The following FAF1 variants were observed in gnomAD, a reference collection of about 807,000 sequenced individuals.
FAF1 encodes the protein Fas associated factor 1, also known as FAS-associated factor 1.
FAF1 carries 25 observed loss-of-function variants against 92.5 expected under a neutral mutation model. The ratio of observed to expected loss-of-function variants is 0.27; its 90% CI spans 0.20 to 0.38. The LOEUF (loss-of-function observed/expected upper bound fraction) is 0.38. Among genes scored for constraint, FAF1 ranks in the 10% least tolerant of loss-of-function variants. FAF1 has a pLI of 1.00. For synonymous variants in FAF1, 234 were observed against 273.2 expected (o/e 0.86, Z 1.42); for missense variants, 636 against 793.3 (o/e 0.80, Z 2.38).
chr1:50,770,672 A>G (rs1248305790), intron 4 of FAF1, among the ~76,000 whole-genome samples: 4 of 152,250 alleles, frequency 2.6e-5, no homozygotes, highest in Non-Finnish European at 4.4e-5. Flanking sequence ...AAATGGCCAT[A>G]CTGCCCAGAG....
At position 50,821,874 on chromosome 1, in the gene FAF1, G is replaced by C. The variant is rs113084288; in HGVS notation, c.115-20197C>G. Reference sequence around the variant, plus strand: ...AGAATGAAAACACTATAAAGAAGTAGATTGCAGACAACTTATTTCTCAGAT... The same window carrying C: ...AGAATGAAAACACTATAAAGAAGTACATTGCAGACAACTTATTTCTCAGAT... On this transcript the variant is annotated intron_variant, in intron 2 of 18. Coordinates refer to ENST00000396153, the MANE Select transcript of FAF1 (RefSeq NM_007051.3). Among the ~76,000 whole-genome samples the C allele has an allele frequency of 3.0e-3, 455 of 152,024 alleles. 4 individuals are homozygous for C. The highest frequency in any genetic ancestry group is 0.01 in the African/African-American group (429 of 41,466).
intron 4 of FAF1, among the ~76,000 whole-genome samples, chr1:50,745,113 C>T (rs1001328579): frequency 2.6e-5 from 4 of 151,966 alleles, no homozygotes; most frequent in African/African-American, 9.7e-5. Context: ...CATGGTGAAA[C>T]TCTGTTGAAA....
chr1:50,503,934 A>G (rs1647023433), intron 15 of FAF1, among the ~76,000 whole-genome samples: 1 of 152,250 alleles, frequency 6.6e-6, no homozygotes, highest in Admixed American at 6.5e-5. Context: ...GAAGCCCTTG[A>G]GAGTGATAGT....
chr1:50,538,164 T>C (rs1212386888), intron 14 of FAF1, among the ~76,000 whole-genome samples: 1 of 150,550 alleles, frequency 6.6e-6, no homozygotes, highest in Non-Finnish European at 1.5e-5. Context: ...TACATAAGCA[T>C]AGTTTGCCTG....
chr1:50,863,452 G>A (rs997719931), intron 1 of FAF1, among the ~76,000 whole-genome samples: 6 of 151,604 alleles, frequency 4.0e-5, no homozygotes, highest in Non-Finnish European at 7.4e-5. Context: ...CATACCTCAA[G>A]AAACTAGAGA....
At chr1:50,922,572 C>A (rs1302626793) in intron 1 of FAF1, among the ~76,000 whole-genome samples, 1 of 150,766 alleles carries the variant, frequency 6.6e-6, no homozygotes, top group African/African-American at 2.4e-5. Flanking sequence ...AATCCCAGCA[C>A]TTTTGGGAAG....
chr1:50,837,233 G>C (rs112666914), intron 2 of FAF1, among the ~76,000 whole-genome samples: 156 of 152,162 alleles, frequency 1.0e-3, no homozygotes, highest in African/African-American at 3.5e-3. Context: ...TGGGATTACA[G>C]GCGTGAGCCA....
intron 15 of FAF1, among the ~76,000 whole-genome samples, chr1:50,504,733 T>C (rs1647038849): frequency 6.6e-6 from 1 of 152,230 alleles, no homozygotes; most frequent in Admixed American, 6.5e-5. Context: ...TGAAGCCACC[T>C]CACCTATAGA....
At chr1:50,811,479 A>T (rs1265075423) in intron 2 of FAF1, among the ~76,000 whole-genome samples, 1 of 152,190 alleles carries the variant, frequency 6.6e-6, no homozygotes, top group Non-Finnish European at 1.5e-5. Flanking sequence ...AAAATGAAAT[A>T]CCCTAGGAAT....
intron 18 of FAF1, among the ~76,000 whole-genome samples, chr1:50,461,739 A>T (rs10399783): frequency 1.3e-5 from 2 of 152,104 alleles, no homozygotes. Context: ...TAAACTCTAG[A>T]TATTTCTAAT....
chr1:50,924,274 A>T (rs1409894705), intron 1 of FAF1, among the ~76,000 whole-genome samples: 1 of 41,894 alleles, frequency 2.4e-5, no homozygotes, highest in Non-Finnish European at 4.3e-5. Context: ...ACCAAAAAGG[A>T]ACAATTTGAA....
intron 2 of FAF1, among the ~76,000 whole-genome samples, chr1:50,812,631 T>C (rs1643928069): frequency 2.6e-5 from 4 of 152,210 alleles, no homozygotes; most frequent in Admixed American, 2.6e-4. Flanking sequence ...GGTGGCAATG[T>C]AACTTAGTTC....
At chr1:50,711,286 C>A (rs1657914441) in intron 6 of FAF1, among the ~76,000 whole-genome samples, 1 of 152,068 alleles carries the variant, frequency 6.6e-6, no homozygotes, top group African/African-American at 2.4e-5. Context: ...TTGAAGGGTA[C>A]TCATACTTTA....
intron 7 of FAF1, among the ~76,000 whole-genome samples, chr1:50,689,322 C>T (rs575521633): frequency 3.3e-5 from 5 of 152,132 alleles, no homozygotes; most frequent in African/African-American, 4.8e-5. Flanking sequence ...CAGTGGCTCA[C>T]GCCTGTAATC....
chr1:50,742,917 T>C (rs911522196), intron 5 of FAF1, among the ~76,000 whole-genome samples: 1 of 152,248 alleles, frequency 6.6e-6, no homozygotes, highest in Non-Finnish European at 1.5e-5. Flanking sequence ...GTTTTCACTT[T>C]TTTTAAAGGT....
intron 4 of FAF1, among the ~76,000 whole-genome samples, chr1:50,784,300 A>G (rs577515839): frequency 2.6e-4 from 39 of 149,854 alleles, no homozygotes; most frequent in African/African-American, 5.9e-4. Context: ...TCTACCAAAG[A>G]AAAAAAAAAC....
At chr1:50,598,769 G>A (rs185122614) in intron 8 of FAF1, among the ~76,000 whole-genome samples, 2 of 152,212 alleles carry the variant, frequency 1.3e-5, no homozygotes, top group East Asian at 3.9e-4. Context: ...TCAAGAATTC[G>A]AGACCAGCCT....
At chr1:50,958,677 CA>C (rs1298331887) in intron 1 of FAF1, among the ~76,000 whole-genome samples, 2,999 of 83,368 alleles carry the variant, frequency 0.036, 77 homozygotes, top group African/African-American at 0.11. Context: ...GACTCCGTCT[CA>C]AAAAAAAAAA....
intron 6 of FAF1, among the ~76,000 whole-genome samples, chr1:50,712,407 A>G (rs113884055): frequency 0.054 from 8,230 of 152,102 alleles, 718 homozygotes; most frequent in African/African-American, 0.19. Context: ...TGTAATCCTA[A>G]CACTTTGGGA....
Sources: allele counts gnomAD v4.1 joint callset (sites outside exome capture counted in the v4.1 genomes callset), GRCh38; gene constraint gnomAD v4.1.1; transcripts MANE v1.5; gene names NCBI Gene and HGNC (gene_info 2026-07-23, HGNC 2026-07-21).